Variants in SNORC observed in about 807,000 individuals in gnomAD.
The protein encoded by SNORC is secondary ossification center associated regulator of chondrocyte maturation.
SNORC carries 11 observed loss-of-function variants against 9.7 expected under a neutral mutation model. The ratio of observed to expected loss-of-function variants is 1.14; its 90% confidence interval spans 0.72 to 1.88. The LOEUF is 1.88. Among genes scored for constraint, SNORC ranks in the 40% most tolerant of loss-of-function variants. The pLI, the probability that SNORC is intolerant of heterozygous loss-of-function variation, is 0.00. For missense variants in SNORC, 197 were observed against 173.1 expected, an observed-to-expected ratio of 1.14 and a Z score of -0.77; for synonymous variants, 108 against 88.7, an observed-to-expected ratio of 1.22 and a Z score of -1.22.
Position 232,876,205 on chromosome 2 carries a change from A to G in SNORC, c.257-42A>G. Reference sequence around the variant, plus strand: ...GGGGGCGCGGGGAGAAGGGCCGGCCAGGCGGGGGCTAGCAGGTGACATGGT... The same window carrying G: ...GGGGGCGCGGGGAGAAGGGCCGGCCGGGCGGGGGCTAGCAGGTGACATGGT... On this transcript the variant is annotated intron_variant, in intron 2 of 2. Coordinates refer to ENST00000331342, the Ensembl canonical transcript of SNORC. This position sits in a 1 kb window ranked among gnomAD's most constrained non-coding sequence, Gnocchi z 6.8. 6 of 1,471,222 alleles carry G rather than the reference A, an allele frequency of 4.1e-6. No homozygotes were observed. The highest frequency in any genetic ancestry group is 5.4e-6 in the Non-Finnish European group (6 of 1,116,754). The allele number at this position is 1,471,222 out of a possible 1,614,324, so 91.1% of individuals were successfully genotyped here. A position where few individuals can be genotyped will look rare whatever the true frequency, so the allele number is the denominator to read the frequency against.
downstream of SNORC, chr2:232,876,646 G>A (rs1691262838): frequency 9.8e-7 from 1 of 1,024,994 alleles, no homozygotes; most frequent in Admixed American, 5.8e-5. This position sits in a 1 kb window ranked among gnomAD's most constrained non-coding sequence, Gnocchi z 6.8. Flanking sequence ...GGGCCGCGCG[G>A]CTCGGCGTCC....
downstream of SNORC, chr2:232,877,154 C>T: frequency 1.0e-6 from 1 of 985,604 alleles, no homozygotes; most frequent in Non-Finnish European, 1.2e-6. Flanking sequence ...CGAGAGTCGA[C>T]GCCGGACACG....
intron 1 of SNORC, among the ~76,000 whole-genome samples, chr2:232,871,385 C>G (rs1480475155): frequency 6.6e-6 from 1 of 152,200 alleles, no homozygotes; most frequent in Non-Finnish European, 1.5e-5. Context: ...TGTGCTCAGT[C>G]TTGACCGGGC....
intron 1 of SNORC, among the ~76,000 whole-genome samples, chr2:232,872,445 C>T (rs11887345): frequency 0.022 from 3,281 of 152,228 alleles, 123 homozygotes; most frequent in African/African-American, 0.074. Flanking sequence ...AAAGGCAGGG[C>T]GGCTGGGGCC....
At chr2:232,872,790 G>A (rs1052087573) in intron 1 of SNORC, among the ~76,000 whole-genome samples, 4 of 152,202 alleles carry the variant, frequency 2.6e-5, no homozygotes, top group Admixed American at 1.3e-4. Context: ...GGATTTGGGG[G>A]AAGATGGGAA....
intron 1 of SNORC, among the ~76,000 whole-genome samples, chr2:232,870,659 G>A (rs796926727): frequency 4.6e-5 from 7 of 152,260 alleles, no homozygotes; most frequent in African/African-American, 1.7e-4. Flanking sequence ...AACTTGGGGG[G>A]CAGGCCCAGG....
intron 1 of SNORC, chr2:232,875,676 C>T (rs1691200413): frequency 1.1e-5 from 6 of 553,762 alleles, no homozygotes; most frequent in South Asian, 2.3e-5. Flanking sequence ...AACTCCCAAC[C>T]CTATAAGCAG....
chr2:232,873,405 G>T (rs1574972165), intron 1 of SNORC, among the ~76,000 whole-genome samples: 1 of 152,026 alleles, frequency 6.6e-6, no homozygotes, highest in East Asian at 1.9e-4. Flanking sequence ...GCTCCCCACT[G>T]CCCTGCTCAG....
chr2:232,875,184 C>T (rs1489108896), intron 1 of SNORC, among the ~76,000 whole-genome samples: 1 of 152,342 alleles, frequency 6.6e-6, no homozygotes, highest in Non-Finnish European at 1.5e-5. Context: ...ACTAAAAATA[C>T]AAAAATTAGC....
intron 1 of SNORC, among the ~76,000 whole-genome samples, chr2:232,875,023 TCA>T (rs1229827056): frequency 6.6e-6 from 1 of 152,176 alleles, no homozygotes; most frequent in Non-Finnish European, 1.5e-5. Flanking sequence ...TGTCCCTGGA[TCA>T]CAGTCTCTAT....
intron 1 of SNORC, 111 bp from the exon 2 acceptor site, chr2:232,875,829 C>T (rs1368142287): frequency 6.1e-6 from 7 of 1,147,784 alleles, no homozygotes; most frequent in Middle Eastern, 5.5e-4. Context: ...CAGCGCTGAG[C>T]CCAGACCCCT....
chr2:232,876,153 G>A lies in SNORC; in HGVS notation c.256+31G>A. 1.5e-6 allele frequency: 2 copies of A among 1,347,048 alleles called. No individual in the cohort carries two copies. The highest frequency in any genetic ancestry group is 1.3e-5 in the South Asian group (1 of 74,508). The allele number at this position is 1,347,048 out of a possible 1,614,324, so 83.4% of individuals were successfully genotyped here. ...GGCGGGGCGGGGGAGGGAGGGGAGA[G>A]GGAGAAATTAGGAGGGGCGGGGGGC... On this transcript the variant is annotated intron_variant, in intron 2 of 2. Transcript: ENST00000331342. The surrounding 1 kb of genome is among the most constrained non-coding windows in gnomAD (Gnocchi z 6.8).
chr2:232,868,617 C>G (rs1428861556), upstream of SNORC, among the ~76,000 whole-genome samples: 1 of 152,196 alleles, frequency 6.6e-6, no homozygotes, highest in Non-Finnish European at 1.5e-5. Flanking sequence ...ACTATGGGAC[C>G]TACTGAGAAC....
At position 232,870,415 on chromosome 2, in the gene SNORC, G is replaced by C; in HGVS notation, c.73+1G>C. The C allele has an allele frequency of 6.4e-7, 1 of 1,567,420 alleles. No homozygotes were observed. Among genetic ancestry groups the C allele is most frequent in the Non-Finnish European group, 8.7e-7 (1 of 1,155,966 alleles). ...GTTCTGGCCCCTGCGGTGCTCACAG[G>C]TAAGAGGTGAAGGCCCTTGTCTCAG... On this transcript the variant is annotated splice_donor_variant, in intron 1 of 2. Transcript: ENST00000331342. LOFTEE classifies it high-confidence loss of function.
chr2:232,876,113 C>A lies in SNORC; in HGVS notation c.247C>A (p.Gln83Lys). 1.3e-6 allele frequency: 2 copies of A among 1,485,858 alleles called. No individual in the cohort carries two copies. The highest frequency in any genetic ancestry group is 1.2e-5 in the South Asian group (1 of 80,174). The allele number at this position is 1,485,858 out of a possible 1,614,324, so 92.0% of individuals were successfully genotyped here. ...CAGCACCGCGCAGGAGCGGCTGGAC[C>A]AGGGCGGCGGTACGGGCGGGGCGGG... Residue 83 changes from glutamine to lysine, a missense_variant, in exon 2 of 3, where the codon CAG (glutamine) becomes AAG (lysine). Physicochemically the swap from Gln to Lys is moderately conservative, Grantham distance 53. Transcript: ENST00000331342. This position sits in a 1 kb window ranked among gnomAD's most constrained non-coding sequence, Gnocchi z 6.8.
upstream of SNORC, among the ~76,000 whole-genome samples, chr2:232,868,437 C>T (rs985457256): frequency 1.2e-4 from 18 of 152,058 alleles, no homozygotes; most frequent in Admixed American, 6.5e-5. Context: ...GGTTGGCGTC[C>T]ACCCGGCCTC....
downstream of SNORC, chr2:232,876,534 G>A: frequency 2.5e-6 from 3 of 1,201,982 alleles, no homozygotes; most frequent in Non-Finnish European, 2.1e-6. The surrounding 1 kb of genome is among the most constrained non-coding windows in gnomAD (Gnocchi z 6.8). Flanking sequence ...ACGCGCGCGG[G>A]TCCGGAGGCG....
At chr2:232,870,111 G>A (rs1286425529), upstream of SNORC, among the ~76,000 whole-genome samples, 4 of 151,804 alleles carry the variant, frequency 2.6e-5, no homozygotes, top group East Asian at 5.8e-4. Context: ...CTCCAAGAGC[G>A]GGGCTGCTCC....
intron 1 of SNORC, among the ~76,000 whole-genome samples, chr2:232,871,643 G>T (rs574412861): frequency 2.0e-5 from 3 of 152,340 alleles, no homozygotes; most frequent in African/African-American, 7.2e-5. Flanking sequence ...TGTGGTGGAA[G>T]AGGCGCCAGC....
Sources: allele counts gnomAD v4.1 joint callset (sites outside exome capture counted in the v4.1 genomes callset), GRCh38; gene constraint gnomAD v4.1.1; non-coding constraint Gnocchi (gnomAD v3.1); transcripts MANE v1.5; gene names NCBI Gene and HGNC (gene_info 2026-07-23, HGNC 2026-07-21).